Variants in PDIA6 observed in about 807,000 individuals in gnomAD.
PDIA6 encodes protein disulfide isomerase family A member 6.
A neutral mutation model predicts 58.4 loss-of-function variants in PDIA6; 29 were observed. The ratio of observed to expected loss-of-function variants is 0.50; its 90% CI spans 0.37 to 0.68. The LOEUF (loss-of-function observed/expected upper bound fraction) is 0.68. Among genes scored for constraint, PDIA6 ranks in the 30% least tolerant of loss-of-function variants. The pLI is 0.00. For missense variants in PDIA6, 480 were observed against 551.0 expected (o/e 0.87, Z 1.29); for synonymous variants, 192 against 202.6 (o/e 0.95, Z 0.44).
chr2:10,792,368 C>G lies in PDIA6; in HGVS notation c.454-443G>C, dbSNP rs151314824. Among the ~76,000 whole-genome samples the G allele has an allele frequency of 1.2e-3, 185 of 152,260 alleles. 1 individual carries two copies. The highest frequency in any genetic ancestry group is 2.0e-3 in the Admixed American group (31 of 15,282). ...TCCTTTTCTTTTTTCGAAGAATGTT[C>G]TTCAGTACTAAATCTAAGAAGCAGT... On this transcript the variant is annotated intron_variant, in intron 5 of 12. Transcript: ENST00000272227.
At chr2:10,824,536 G>A (rs929784791) in intron 1 of PDIA6, among the ~76,000 whole-genome samples, 1 of 152,238 alleles carries the variant, frequency 6.6e-6, no homozygotes, top group Admixed American at 6.5e-5. Context: ...GTTCCAGGGT[G>A]AGCATGTGAC....
chr2:10,834,721 C>CCCTCCCTTCCCTCCCT (rs1303608003), upstream of PDIA6, among the ~76,000 whole-genome samples: 84 of 45,516 alleles, frequency 1.8e-3, no homozygotes, highest in African/African-American at 6.7e-3. Flanking sequence ...CTCCCTCCCT[C>CCCTCCCTTCCCTCCCT]CCTTCCTTCC....
At chr2:10,822,025 A>T (rs1051636742) in intron 1 of PDIA6, among the ~76,000 whole-genome samples, 25 of 150,424 alleles carry the variant, frequency 1.7e-4, no homozygotes, top group African/African-American at 4.6e-4. Context: ...CTACAGCCTC[A>T]ACCTCCTGGG....
upstream of PDIA6, among the ~76,000 whole-genome samples, chr2:10,813,210 C>T (rs900611293): frequency 2.0e-5 from 3 of 152,352 alleles, no homozygotes; most frequent in South Asian, 2.1e-4. Context: ...CAGGGAATTC[C>T]TCTTGTGCCC....
intron 6 of PDIA6, among the ~76,000 whole-genome samples, chr2:10,791,385 A>T (rs937361147): frequency 6.6e-6 from 1 of 152,176 alleles, no homozygotes; most frequent in Non-Finnish European, 1.5e-5. Context: ...ACCTCAAGTG[A>T]TCCGCCTGCC....
intron 8 of PDIA6, 104 bp downstream of exon 8, chr2:10,789,645 A>T (rs574612283): frequency 2.0e-6 from 2 of 1,012,588 alleles, no homozygotes; most frequent in East Asian, 4.9e-5. Flanking sequence ...CTTTAAAGAG[A>T]GTATCTTTAA....
At chr2:10,827,191 T>C (rs1436169930) in intron 1 of PDIA6, among the ~76,000 whole-genome samples, 1 of 152,078 alleles carries the variant, frequency 6.6e-6, no homozygotes, top group East Asian at 1.9e-4. Context: ...ACCTCCTGAG[T>C]AGCTGGGACT....
chr2:10,802,939 C>T (rs899822297), intron 1 of PDIA6, among the ~76,000 whole-genome samples: 1 of 152,182 alleles, frequency 6.6e-6, no homozygotes, highest in Non-Finnish European at 1.5e-5. Flanking sequence ...TCTTTACAAC[C>T]GCTCCATGAG....
rs1666044405 is a variant in PDIA6 at position 10,791,780 on chromosome 2, G to A, written c.584+15C>T. 1.2e-6 allele frequency: 2 copies of A among 1,610,902 alleles called. No homozygotes were observed. Among genetic ancestry groups the A allele is most frequent in the Non-Finnish European group, 1.7e-6 (2 of 1,178,714 alleles). On this transcript the variant is annotated intron_variant, in intron 6 of 12. Coordinates refer to ENST00000272227, the MANE Select transcript of PDIA6 (RefSeq NM_005742.4). The stretch of plus-strand genomic sequence containing the variant: ...ACACTGTGAATGAACAGACTACTTA[G>A]TAGAAGGCACTTACTTTTTGCAGTG...
chr2:10,833,218 T>C (rs757494042), upstream of PDIA6, among the ~76,000 whole-genome samples: 2 of 152,156 alleles, frequency 1.3e-5, no homozygotes, highest in Non-Finnish European at 2.9e-5. Flanking sequence ...GTGTGGCCTC[T>C]AGTCTCACTT....
chr2:10,792,695 T>C (rs979937828), intron 5 of PDIA6, among the ~76,000 whole-genome samples: 1 of 151,828 alleles, frequency 6.6e-6, no homozygotes. Flanking sequence ...GAATTTTCCA[T>C]GGATTTGGGG....
intron 4 of PDIA6, among the ~76,000 whole-genome samples, chr2:10,794,008 T>C (rs1558443051): frequency 6.6e-6 from 1 of 152,220 alleles, no homozygotes; most frequent in African/African-American, 2.4e-5. Context: ...GGCAAGATGA[T>C]AATAGTCTTT....
At chr2:10,811,212 T>A (rs1050216763) in intron 1 of PDIA6, among the ~76,000 whole-genome samples, 1 of 152,174 alleles carries the variant, frequency 6.6e-6, no homozygotes, top group African/African-American at 2.4e-5. Context: ...TCCACAGTAA[T>A]ATGGCAAATA....
At chr2:10,802,312 C>T (rs914320073) in intron 2 of PDIA6, among the ~76,000 whole-genome samples, 187 bp downstream of exon 2, 1 of 152,174 alleles carries the variant, frequency 6.6e-6, no homozygotes, top group African/African-American at 2.4e-5. Context: ...CGCATCACCT[C>T]ATCAAAAGAC....
intron 1 of PDIA6, among the ~76,000 whole-genome samples, chr2:10,820,029 C>T (rs191218723): frequency 9.2e-5 from 14 of 152,274 alleles, no homozygotes; most frequent in Non-Finnish European, 1.8e-4. Flanking sequence ...TCTCACTTTA[C>T]CGAGGGAGAC....
At chr2:10,795,474 C>T (rs1666225451) in intron 4 of PDIA6, among the ~76,000 whole-genome samples, 1 of 131,792 alleles carries the variant, frequency 7.6e-6, no homozygotes, top group African/African-American at 2.5e-5. Flanking sequence ...TGTCCAAGGC[C>T]ACATCTTCAT....
chr2:10,829,773 A>G (rs899357468), intron 1 of PDIA6, among the ~76,000 whole-genome samples: 6 of 152,062 alleles, frequency 3.9e-5, no homozygotes, highest in African/African-American at 1.4e-4. Flanking sequence ...TACATTTCCA[A>G]TCTCTTTTGG....
intron 10 of PDIA6, among the ~76,000 whole-genome samples, chr2:10,787,997 C>T (rs1430623723): frequency 7.7e-5 from 11 of 143,110 alleles, no homozygotes; most frequent in Admixed American, 4.6e-4. Flanking sequence ...ACCCGGGAGG[C>T]GGAGGTTGCA....
chr2:10,834,737 T>TCCTC (rs1667792129), upstream of PDIA6, among the ~76,000 whole-genome samples: 4 of 18,102 alleles, frequency 2.2e-4, no homozygotes, highest in South Asian at 0.017. Flanking sequence ...CTTCCCTCCT[T>TCCTC]CCTTCCTTCC....
Sources: allele counts gnomAD v4.1 joint callset (sites outside exome capture counted in the v4.1 genomes callset), GRCh38; gene constraint gnomAD v4.1.1; transcripts MANE v1.5; gene names NCBI Gene and HGNC (gene_info 2026-07-23, HGNC 2026-07-21).